Variants in ZNF385D observed in about 807,000 individuals in gnomAD.
The protein encoded by ZNF385D is zinc finger protein 385D, also known as zinc finger protein 659.
A neutral mutation model predicts 35.8 loss-of-function variants in ZNF385D; 15 were observed. The ratio of observed to expected loss-of-function variants is 0.42; its 90% CI spans 0.28 to 0.64. ZNF385D has a LOEUF of 0.64. Ranked by LOEUF, ZNF385D falls within the 30% of genes least tolerant of loss-of-function variation. ZNF385D has a pLI of 0.23. For synonymous variants in ZNF385D, 212 were observed against 186.8 expected (o/e 1.13, Z -1.10); for missense variants, 474 against 494.6 (o/e 0.96, Z 0.39).
intron 1 of ZNF385D, among the ~76,000 whole-genome samples, chr3:21,668,217 G>C (rs1034567434): frequency 1.3e-5 from 2 of 152,166 alleles, no homozygotes; most frequent in Non-Finnish European, 2.9e-5. Flanking sequence ...GCCAAAGGGA[G>C]CTGCCTTACC....
intron 3 of ZNF385D, among the ~76,000 whole-genome samples, chr3:21,537,407 C>A (rs553462175): frequency 6.6e-6 from 1 of 151,626 alleles, no homozygotes; most frequent in Non-Finnish European, 1.5e-5. Flanking sequence ...TCTGTAATCA[C>A]CTGCTGGGAT....
intron 2 of ZNF385D, among the ~76,000 whole-genome samples, chr3:22,181,597 C>T (rs923838824): frequency 6.6e-6 from 1 of 150,776 alleles, no homozygotes; most frequent in Non-Finnish European, 1.5e-5. Context: ...ACTCTGGAGG[C>T]TGAGGCAGGA....
chr3:22,309,089 A>G (rs1450742718), intron 2 of ZNF385D, among the ~76,000 whole-genome samples: 12 of 152,088 alleles, frequency 7.9e-5, no homozygotes, highest in Non-Finnish European at 1.8e-4. Context: ...TGTAACTTGA[A>G]GGGTGCCAAG....
At chr3:21,970,057 C>CA (rs1703151327) in intron 3 of ZNF385D, among the ~76,000 whole-genome samples, 1 of 152,128 alleles carries the variant, frequency 6.6e-6, no homozygotes, top group Admixed American at 6.6e-5. Flanking sequence ...TACATTACAG[C>CA]ACCCAAGACC....
At chr3:22,101,456 T>A (rs1701940411) in intron 3 of ZNF385D, among the ~76,000 whole-genome samples, 1 of 152,008 alleles carries the variant, frequency 6.6e-6, no homozygotes, top group Non-Finnish European at 1.5e-5. Context: ...AGAGATGAAA[T>A]AACACGTATT....
At chr3:22,314,519 T>A (rs868804721) in intron 2 of ZNF385D, among the ~76,000 whole-genome samples, 1 of 152,186 alleles carries the variant, frequency 6.6e-6, no homozygotes, top group African/African-American at 2.4e-5. Flanking sequence ...TGTCTATTCA[T>A]TGACGGATGG....
chr3:22,100,644 T>G (rs1046521651), intron 3 of ZNF385D, among the ~76,000 whole-genome samples: 1 of 124,832 alleles, frequency 8.0e-6, no homozygotes, highest in East Asian at 2.4e-4. Context: ...TGAGAACACA[T>G]GGACACAGGA....
Position 22,139,260 on chromosome 3 carries a change from A to C in ZNF385D, c.325+29557T>G, listed in dbSNP as rs376652377. On this transcript the variant is annotated intron_variant, in intron 3 of 5. Transcript: ENST00000494108. ...TACCATTTGACCCAGCCATCCCATT[A>C]CTGGGTATATACCCAAAGAATTATA... Among the ~76,000 whole-genome samples, 11 of 152,326 alleles carry C rather than the reference A, an allele frequency of 7.2e-5. 2 individuals carry two copies. The highest frequency in any genetic ancestry group is 5.8e-4 in the East Asian group (3 of 5,184).
At chr3:21,759,051 G>A (rs1043491212) in intron 3 of ZNF385D, among the ~76,000 whole-genome samples, 14 of 135,024 alleles carry the variant, frequency 1.0e-4, no homozygotes, top group Admixed American at 3.2e-4. Context: ...GAATGTTCAA[G>A]TTACTTACCT....
rs149365337 is a variant in ZNF385D at position 22,213,826 on chromosome 3, A to C, written c.107-44791T>G. Among the ~76,000 whole-genome samples, 232 of 152,238 alleles carry C rather than the reference A, an allele frequency of 1.5e-3. 1 individual carries two copies. Among genetic ancestry groups the C allele is most frequent in the African/African-American group, 5.2e-3 (218 of 41,570 alleles). On this transcript the variant is annotated intron_variant, in intron 2 of 5. Transcript: ENST00000494108. ...CAACTAAAATCATAAGAGACTAATT[A>C]AAATCCTAAGTCCCAAATGTTTACA...
At chr3:22,235,052 G>A (rs1472286744) in intron 2 of ZNF385D, among the ~76,000 whole-genome samples, 2 of 151,990 alleles carry the variant, frequency 1.3e-5, no homozygotes, top group South Asian at 2.1e-4. Flanking sequence ...ACTAAGGCAC[G>A]AGTTAAAAAT....
At chr3:21,876,947 C>T (rs1332793151) in intron 3 of ZNF385D, among the ~76,000 whole-genome samples, 1 of 152,068 alleles carries the variant, frequency 6.6e-6, no homozygotes, top group Non-Finnish European at 1.5e-5. Flanking sequence ...GCACTTCTTT[C>T]CACACTTTTC....
At chr3:21,945,096 ATG>A (rs375492920) in intron 3 of ZNF385D, among the ~76,000 whole-genome samples, 22 of 151,324 alleles carry the variant, frequency 1.5e-4, no homozygotes, top group Admixed American at 5.3e-4. Flanking sequence ...CTATATTTGA[ATG>A]TGTGTGTGTG....
At chr3:21,916,779 A>C (rs540169271) in intron 3 of ZNF385D, among the ~76,000 whole-genome samples, 26 of 152,366 alleles carry the variant, frequency 1.7e-4, no homozygotes, top group African/African-American at 5.5e-4. Context: ...TCAGTACAAT[A>C]AACGAAAGCA....
intron 3 of ZNF385D, among the ~76,000 whole-genome samples, chr3:22,000,460 A>G (rs975431611): frequency 6.6e-6 from 1 of 152,216 alleles, no homozygotes; most frequent in African/African-American, 2.4e-5. Context: ...AAGGGGAGGC[A>G]TGAATAATCC....
intron 2 of ZNF385D, among the ~76,000 whole-genome samples, chr3:21,593,098 G>T (rs978655022): frequency 6.6e-6 from 1 of 152,064 alleles, no homozygotes; most frequent in Admixed American, 6.6e-5. Context: ...CCTTTTCCCC[G>T]GCTGCTGTAT....
At chr3:21,989,679 TAA>T (rs11325097) in intron 3 of ZNF385D, among the ~76,000 whole-genome samples, 2 of 148,914 alleles carry the variant, frequency 1.3e-5, no homozygotes, top group African/African-American at 2.4e-5. Context: ...ACAATAATAA[TAA>T]AAAAAAAAGG....
rs573594446 is a variant in ZNF385D at position 21,480,686 on chromosome 3, T to C, written c.439+30175A>G. ...CCTGATTCATTAGTACGTTATTTGA[T>C]TGACATTCGATATTCACTTGTTCTA... On this transcript the variant is annotated intron_variant, in intron 4 of 7. Transcript: ENST00000281523. Among the ~76,000 whole-genome samples the C allele has an allele frequency of 4.6e-5, 7 of 152,326 alleles. No homozygotes were observed. In the East Asian group the frequency reaches 1.4e-3, roughly 29 times the overall value.
chr3:21,456,959 T>C (rs960196941), intron 4 of ZNF385D, among the ~76,000 whole-genome samples: 2 of 152,224 alleles, frequency 1.3e-5, no homozygotes, highest in Admixed American at 1.3e-4. Flanking sequence ...CCATTGCAGT[T>C]ATCACATTCA....
Sources: allele counts gnomAD v4.1 joint callset (sites outside exome capture counted in the v4.1 genomes callset), GRCh38; gene constraint gnomAD v4.1.1; transcripts MANE v1.5; gene names NCBI Gene and HGNC (gene_info 2026-07-23, HGNC 2026-07-21).